The following GNB5 variants were observed in gnomAD, a reference collection of about 807,000 sequenced individuals.
The protein encoded by GNB5 is guanine nucleotide-binding protein subunit beta-5.
A neutral mutation model predicts 55.3 loss-of-function variants in GNB5; 37 were observed. The ratio of observed to expected loss-of-function variants is 0.67; its 90% CI spans 0.51 to 0.88. The LOEUF is 0.88. GNB5 is among the 40% of genes least tolerant of loss of function. The pLI is 0.00. For missense variants in GNB5, 476 were observed against 515.3 expected (o/e 0.92, Z 0.74); for synonymous variants, 219 against 198.5 (o/e 1.10, Z -0.87).
At chr15:52,176,116 A>G (rs757359575) in intron 3 of GNB5, among the ~76,000 whole-genome samples, 7 of 152,158 alleles carry the variant, frequency 4.6e-5, no homozygotes, top group Non-Finnish European at 1.0e-4. Context: ...GCCAGTCACC[A>G]TAAGAGATAC....
chr15:52,167,248 A>G (rs1431758054), intron 3 of GNB5, among the ~76,000 whole-genome samples: 1 of 152,238 alleles, frequency 6.6e-6, no homozygotes, highest in African/African-American at 2.4e-5. Flanking sequence ...TACCAGAGGT[A>G]CAAAGAGGGG....
chr15:52,161,444 C>A (rs751408104), intron 3 of GNB5, among the ~76,000 whole-genome samples: 7 of 152,176 alleles, frequency 4.6e-5, no homozygotes, highest in South Asian at 2.1e-4. Context: ...ATTACAGGCA[C>A]GCGCTACCAC....
intron 3 of GNB5, among the ~76,000 whole-genome samples, chr15:52,168,643 A>G (rs2034495563): frequency 6.6e-6 from 1 of 152,220 alleles, no homozygotes; most frequent in Non-Finnish European, 1.5e-5. Context: ...TGGGACCAAA[A>G]GAGAGCCCAT....
At chr15:52,167,407 C>T (rs556711340) in intron 3 of GNB5, among the ~76,000 whole-genome samples, 22 of 152,290 alleles carry the variant, frequency 1.4e-4, no homozygotes, top group South Asian at 6.2e-4. Context: ...CAGTGGCCCA[C>T]GTCTGTAATC....
chr15:52,180,113 G>C (rs570945525), intron 2 of GNB5: 9 of 340,162 alleles, frequency 2.6e-5, no homozygotes, highest in Non-Finnish European at 4.5e-5. Flanking sequence ...TCTCTCCTCC[G>C]GGAGAGGCAG....
intron 9 of GNB5, among the ~76,000 whole-genome samples, chr15:52,131,000 AT>A (rs1257012014): frequency 6.6e-6 from 1 of 152,108 alleles, no homozygotes; most frequent in East Asian, 1.9e-4. Flanking sequence ...TAATTTTTGT[AT>A]TTTTGGTAGA....
chr15:52,155,477 A>C (rs1272641598), intron 3 of GNB5, among the ~76,000 whole-genome samples: 1 of 152,206 alleles, frequency 6.6e-6, no homozygotes, highest in African/African-American at 2.4e-5. Flanking sequence ...AACTCTCTTA[A>C]ATAACCAAAG....
rs1289570409 is a variant in GNB5 at position 52,120,098 on chromosome 15, T to C, written c.*2659A>G. 6.6e-6 allele frequency: 1 copy of C among 152,294 alleles called. No homozygotes were observed. Among genetic ancestry groups the C allele is most frequent in the Admixed American group, 6.5e-5 (1 of 15,276 alleles). 9.4% of individuals were successfully genotyped at this position (152,294 alleles called of 1,614,324 possible). Reference sequence around the variant, plus strand: ...CCCATAAATACCCATCACCCACACCTTTCTGCCTGAACTTTCTTTTTTCTG... The same window carrying C: ...CCCATAAATACCCATCACCCACACCCTTCTGCCTGAACTTTCTTTTTTCTG... On this transcript the variant is annotated 3_prime_UTR_variant, in exon 13 of 13. Transcript: ENST00000261837.
At chr15:52,137,222 A>G in intron 7 of GNB5, 1 of 1,165,370 alleles carries the variant, frequency 8.6e-7, no homozygotes, top group South Asian at 1.7e-5. Context: ...AGTATTTCTG[A>G]TGTTCGCTTG....
chr15:52,187,566 A>G (rs147085410), intron 1 of GNB5, among the ~76,000 whole-genome samples: 1 of 152,304 alleles, frequency 6.6e-6, no homozygotes, highest in African/African-American at 2.4e-5. Context: ...CCGATATTCC[A>G]TATCTAGATA....
intron 6 of GNB5, 74 bp downstream of exon 6, chr15:52,147,385 T>C: frequency 2.3e-6 from 2 of 857,302 alleles, no homozygotes; most frequent in Non-Finnish European, 4.1e-6. Context: ...AGTTCTTGTT[T>C]GTTTGTTTTT....
intron 9 of GNB5, among the ~76,000 whole-genome samples, chr15:52,128,954 C>CTTT (rs536792407): frequency 3.9e-5 from 5 of 127,024 alleles, no homozygotes; most frequent in East Asian, 2.3e-4. Flanking sequence ...ATTGTTTCTC[C>CTTT]TTTTTTTTTT....
At chr15:52,164,308 T>TAAAAA (rs56029917) in intron 3 of GNB5, among the ~76,000 whole-genome samples, 24 of 50,432 alleles carry the variant, frequency 4.8e-4, no homozygotes, top group African/African-American at 1.6e-3. Flanking sequence ...GACTCTGTCT[T>TAAAAA]AAAAAAAAAA....
In GNB5 at chr15:52,129,458, G is replaced by A. The variant is rs545036556; in HGVS notation, c.864-1214C>T. ...GGGATGGAGAATTGAAAAGCTGGAT[G>A]ACAGATGTTAACCATTTTCAGCTCT... On this transcript the variant is annotated intron_variant, in intron 9 of 12. Transcript: ENST00000261837. 2.0e-5 allele frequency among the ~76,000 whole-genome samples: 3 copies of A among 152,332 alleles called. No individual in the cohort carries two copies. The South Asian group carries it at 6.2e-4, about 32-fold the overall frequency.
intron 4 of GNB5, among the ~76,000 whole-genome samples, chr15:52,153,267 C>G (rs1202582141): frequency 6.6e-6 from 1 of 152,304 alleles, no homozygotes; most frequent in Non-Finnish European, 1.5e-5. Flanking sequence ...CTGAGGCCTC[C>G]AGCCAAGAGC....
At position 52,116,609 on chromosome 15, in the gene GNB5, T is replaced by G. The variant is rs1566928343; in HGVS notation, c.*6148A>C. On this transcript the variant is annotated 3_prime_UTR_variant, in exon 13 of 13. Transcript: ENST00000261837. ...AATGTGAAAGTTGTTAGAATTCAAATAGAGTCACTAGTGTTTTAAAAAAAC... is the reference window on the plus strand; with the variant it reads ...AATGTGAAAGTTGTTAGAATTCAAAGAGAGTCACTAGTGTTTTAAAAAAAC... 1 of 152,116 alleles carries G rather than the reference T, an allele frequency of 6.6e-6. No homozygotes were observed. Among genetic ancestry groups the G allele is most frequent in the African/African-American group, 2.4e-5 (1 of 41,408 alleles). The allele number at this position is 152,116 out of a possible 1,614,324, so 9.4% of individuals were successfully genotyped here.
chr15:52,152,560 G>T (rs2034121587), intron 4 of GNB5, among the ~76,000 whole-genome samples: 1 of 151,820 alleles, frequency 6.6e-6, no homozygotes. Context: ...CCTGACCTCA[G>T]GTGATCCATC....
At chr15:52,126,451 C>T (rs570026852) in intron 10 of GNB5, among the ~76,000 whole-genome samples, 1 of 152,170 alleles carries the variant, frequency 6.6e-6, no homozygotes, top group South Asian at 2.1e-4. Context: ...TTCCTTCAGT[C>T]TTATTTGTAT....
intron 5 of GNB5, chr15:52,149,227 T>C (rs1051900124): frequency 1.3e-5 from 2 of 152,720 alleles, no homozygotes; most frequent in Admixed American, 6.5e-5. Context: ...ACAGGTCTCA[T>C]GTTTTTCATA....
Sources: gnomAD v4.1 joint callset for allele counts (sites outside exome capture counted in the v4.1 genomes callset) on GRCh38, gnomAD v4.1.1 for gene constraint, MANE v1.5 for transcripts, NCBI Gene and HGNC (gene_info 2026-07-23, HGNC 2026-07-21) for gene names.